Variants in NEK4 observed in about 807,000 individuals in gnomAD.
NEK4 encodes serine/threonine-protein kinase Nek4.
NEK4 carries 86 observed loss-of-function variants against 98.4 expected under a neutral mutation model. The observed-to-expected ratio is 0.87, with a 90% CI of 0.73 to 1.05. The LOEUF is 1.05. Ranked by LOEUF, NEK4 falls within the 50% of genes least tolerant of loss-of-function variation. NEK4 has a pLI of 0.00. For synonymous variants in NEK4, 328 were observed against 342.2 expected, an observed-to-expected ratio of 0.96 and a Z score of 0.46; for missense variants, 898 against 950.3, an observed-to-expected ratio of 0.94 and a Z score of 0.72.
chr3:52,757,081 T>TA (rs1202445209), intron 6 of NEK4, among the ~76,000 whole-genome samples: 3 of 152,140 alleles, frequency 2.0e-5, no homozygotes, highest in African/African-American at 4.8e-5. Flanking sequence ...TGGCTATTAC[T>TA]AAAAAATCCC....
At chr3:52,738,319 T>C (rs536642889) in intron 14 of NEK4, among the ~76,000 whole-genome samples, 6 of 151,924 alleles carry the variant, frequency 3.9e-5, no homozygotes, top group African/African-American at 1.4e-4. Context: ...TCCCGGTTGG[T>C]CTTGAACTCC....
intron 15 of NEK4, chr3:52,733,803 T>C: frequency 2.4e-6 from 1 of 415,834 alleles, no homozygotes; most frequent in South Asian, 1.8e-5. Flanking sequence ...AATCAAAATT[T>C]ACACCTTGCA....
At chr3:52,734,914 A>T (rs1248727183) in intron 15 of NEK4, 1 of 219,100 alleles carries the variant, frequency 4.6e-6, no homozygotes, top group African/African-American at 2.4e-5. Flanking sequence ...TTACCAAAAA[A>T]AAAGGGGTAA....
intron 6 of NEK4, among the ~76,000 whole-genome samples, chr3:52,756,931 T>C (rs762004207): frequency 5.9e-5 from 9 of 151,960 alleles, no homozygotes; most frequent in Non-Finnish European, 1.3e-4. Flanking sequence ...AACTCAAAAA[T>C]GGGCAAAGGA....
At chr3:52,716,432 C>T (rs1469892357) in intron 15 of NEK4, among the ~76,000 whole-genome samples, 1 of 152,230 alleles carries the variant, frequency 6.6e-6, no homozygotes. Context: ...CCAGTTTCAA[C>T]TGACGTCGTA....
chr3:52,744,529 C>G (rs1168977140), intron 10 of NEK4, among the ~76,000 whole-genome samples: 2 of 151,800 alleles, frequency 1.3e-5, no homozygotes, highest in East Asian at 3.9e-4. Context: ...ACTAAAAATA[C>G]AAAAATTAGC....
chr3:52,710,051 A>G lies in NEK4; in HGVS notation c.*1726T>C, dbSNP rs1363811099. On this transcript the variant is annotated 3_prime_UTR_variant, in exon 16 of 16. Coordinates refer to ENST00000233027, the MANE Select transcript of NEK4 (RefSeq NM_003157.6). ...GCTCCTGGCAGAGAACCTGGCACAC[A>G]GTAAACTCTAAATAAAAATCTGTTA... 6.6e-6 allele frequency: 1 copy of G among 152,254 alleles called. No individual in the cohort carries two copies. The highest frequency in any genetic ancestry group is 1.5e-5 in the Non-Finnish European group (1 of 68,088). 9.4% of individuals were successfully genotyped at this position (152,254 alleles called of 1,614,324 possible).
At position 52,760,813 on chromosome 3, in the gene NEK4, G is replaced by T; in HGVS notation, c.945C>A (p.Gly315=). The change falls in exon 6 of 16, where the codon GGC becomes GGA. Residue 315 remains glycine, a synonymous_variant. Transcript: ENST00000233027. ...AACGTACCATTATATATGTCTGGGA[G>T]CCCTCAGAAGAGAGTGGTTGGGGGT... The part of the protein sequence containing the change: ...VIHPQPLSSE[G]SQTYIMGEGK... The T allele has an allele frequency of 6.2e-7, 1 of 1,607,234 alleles. No individual in the cohort carries two copies. Among genetic ancestry groups the T allele is most frequent in the East Asian group, 2.2e-5 (1 of 44,798 alleles).
chr3:52,738,991 CT>C (rs2097381061), intron 14 of NEK4, among the ~76,000 whole-genome samples: 1 of 152,138 alleles, frequency 6.6e-6, no homozygotes, highest in African/African-American at 2.4e-5. Context: ...CAGGATATAC[CT>C]TTTATGGAGA....
chr3:52,754,788 T>C, intron 6 of NEK4: 1 of 333,816 alleles, frequency 3.0e-6, no homozygotes, highest in Non-Finnish European at 6.0e-6. Flanking sequence ...AAAACAAAAC[T>C]GTGGGCCGGG....
intron 15 of NEK4, among the ~76,000 whole-genome samples, chr3:52,735,561 T>C (rs1190600495): frequency 6.6e-6 from 1 of 152,244 alleles, no homozygotes; most frequent in Non-Finnish European, 1.5e-5. Flanking sequence ...TGTTTTACGA[T>C]CTACTTACCA....
intron 9 of NEK4, among the ~76,000 whole-genome samples, 199 bp from the exon 10 acceptor site, chr3:52,746,409 A>C (rs2097396172): frequency 6.6e-6 from 1 of 152,194 alleles, no homozygotes; most frequent in Non-Finnish European, 1.5e-5. Context: ...TATTTCTAGA[A>C]ATGAGATGTC....
chr3:52,733,018 A>C (rs2097371403), intron 15 of NEK4: 1 of 210,438 alleles, frequency 4.8e-6, no homozygotes, highest in Non-Finnish European at 1.0e-5. Flanking sequence ...ACTTCAAAAA[A>C]ATTCTTCTAG....
rs144219129 is a variant in NEK4 at position 52,759,741 on chromosome 3, C to T, written c.963+1054G>A. On this transcript the variant is annotated intron_variant, in intron 6 of 15. Coordinates refer to ENST00000233027, the MANE Select transcript of NEK4 (RefSeq NM_003157.6). ...ACCATTTGACTCAGCAATTCCACTG[C>T]TAGGTATGTACCCAAAAGAACGGAA... is the stretch of plus-strand genomic sequence containing the variant. Among the ~76,000 whole-genome samples the T allele has an allele frequency of 5.5e-3, 833 of 152,250 alleles. 13 individuals are homozygous for T. In the South Asian group the frequency reaches 0.067, roughly 12 times the overall value.
intron 15 of NEK4, among the ~76,000 whole-genome samples, chr3:52,721,608 C>T (rs556466479): frequency 9.3e-4 from 142 of 151,904 alleles, no homozygotes; most frequent in Non-Finnish European, 9.1e-4. Flanking sequence ...TGGTGGGGCA[C>T]GCCTATTGTC....
At chr3:52,729,124 T>G (rs761324531) in intron 15 of NEK4, among the ~76,000 whole-genome samples, 1 of 152,196 alleles carries the variant, frequency 6.6e-6, no homozygotes, top group Admixed American at 6.5e-5. Context: ...TTGAAGCATG[T>G]GATCTTTGTG....
chr3:52,754,084 C>G, intron 6 of NEK4: 1 of 246,624 alleles, frequency 4.1e-6, no homozygotes, highest in South Asian at 5.0e-5. Context: ...ATCACTTGAA[C>G]CCAGGAGGCA....
Position 52,752,231 on chromosome 3 carries a change from T to C in NEK4, c.1069A>G (p.Thr357Ala), listed in dbSNP as rs1438913095. 1.3e-5 allele frequency: 21 copies of C among 1,614,196 alleles called. No homozygotes were observed. Among genetic ancestry groups the C allele is most frequent in the Non-Finnish European group, 1.7e-5 (20 of 1,180,022 alleles). ...ACGCTACTGATTGTGGCTAGTTCTGTGGTATTGCTCAAGTCCTGTTTGCAG... is the reference window on the plus strand; with the variant it reads ...ACGCTACTGATTGTGGCTAGTTCTGCGGTATTGCTCAAGTCCTGTTTGCAG... ...HTCKQDLSNT[T>A]ELATISSVNI... The change falls in exon 7 of 16, where the codon ACA (threonine) becomes GCA (alanine). Residue 357 changes from threonine to alanine, a missense_variant. Transcript: ENST00000233027.
rs1400260532 is a variant in NEK4, at chr3:52,746,831, C to A, written c.1580G>T (p.Gly527Val). The change falls in exon 9 of 16, where the codon GGG becomes GTG. Residue 527 changes from glycine (G) to valine (V), a missense_variant. Coordinates refer to ENST00000233027, the MANE Select transcript of NEK4 (RefSeq NM_003157.6). ...IHPDLQPHNS[G>V]SEPSLSRQRR... ...CTGTCGAGACAGGGAAGGTTCAGAC[C>A]CAGAGTTGTGTGGCTGTAAATCTGG... 2 of 1,614,010 alleles carry A rather than the reference C, an allele frequency of 1.2e-6. No individual in the cohort carries two copies. Among genetic ancestry groups the A allele is most frequent in the Non-Finnish European group, 8.5e-7 (1 of 1,179,950 alleles).
Sources: gnomAD v4.1 joint callset for allele counts (sites outside exome capture counted in the v4.1 genomes callset) on GRCh38, gnomAD v4.1.1 for gene constraint, MANE v1.5 for transcripts, NCBI Gene and HGNC (gene_info 2026-07-23, HGNC 2026-07-21) for gene names.